Variants in DHRS9 observed in about 807,000 individuals in gnomAD.
DHRS9 encodes dehydrogenase/reductase 9.
In DHRS9, 18 loss-of-function variants were observed where a neutral mutation model predicts 26.6. The observed-to-expected ratio is 0.68, with a 90% CI of 0.47 to 1.00. DHRS9 has a LOEUF of 1.00. DHRS9 is among the 50% of genes least tolerant of loss of function. The probability of loss-of-function intolerance (pLI) is 0.00; values close to 1 mark genes in which losing one functional copy is unlikely to be tolerated. For missense variants in DHRS9, 425 were observed against 378.7 expected, an observed-to-expected ratio of 1.12 and a Z score of -1.01; for synonymous variants, 134 against 141.1, an observed-to-expected ratio of 0.95 and a Z score of 0.36.
At chr2:169,070,287 G>A (rs1683760023) in intron 1 of DHRS9, 2 of 985,344 alleles carry the variant, frequency 2.0e-6, no homozygotes, top group African/African-American at 3.5e-5. Flanking sequence ...TGGATCCAGG[G>A]GTGGCAGCAA....
intron 4 of DHRS9, 25 bp from the exon 5 acceptor site, chr2:169,095,519 T>C: frequency 6.3e-7 from 1 of 1,584,484 alleles, no homozygotes; most frequent in Non-Finnish European, 8.7e-7. Context: ...TACCAAAGAG[T>C]AAATGTACTT....
At chr2:169,076,081 T>C (rs886251912) in intron 1 of DHRS9, among the ~76,000 whole-genome samples, 1 of 152,230 alleles carries the variant, frequency 6.6e-6, no homozygotes, top group Non-Finnish European at 1.5e-5. Context: ...AATGGTGATA[T>C]TCTAATTCCA....
rs746515112 is a variant in DHRS9, at chr2:169,091,786, A to C, written c.573-4A>C. On this transcript the variant is annotated splice_region_variant and splice_polypyrimidine_tract_variant and intron_variant, in intron 3 of 4. Transcript: ENST00000674881. ...TAAACATCTTCAATGGGTTCTTTTC[A>C]CAGACGGGACATGAAAGCTTTTGGT... The C allele has an allele frequency of 6.2e-7, 1 of 1,601,902 alleles. No homozygotes were observed. The highest frequency in any genetic ancestry group is 8.5e-7 in the Non-Finnish European group (1 of 1,172,662).
chr2:169,095,027 A>G (rs1321630003), intron 4 of DHRS9, among the ~76,000 whole-genome samples: 1 of 152,220 alleles, frequency 6.6e-6, no homozygotes, highest in Non-Finnish European at 1.5e-5. Context: ...CCACACATGC[A>G]TGCACATACA....
At chr2:169,094,524 C>A (rs1210872937) in intron 4 of DHRS9, among the ~76,000 whole-genome samples, 1 of 149,078 alleles carries the variant, frequency 6.7e-6, no homozygotes, top group East Asian at 2.0e-4. Flanking sequence ...AGAAGTATTT[C>A]CTTTATGTTT....
At position 169,095,701 on chromosome 2, in the gene DHRS9, AG is replaced by A; in HGVS notation, c.895del (p.Ala299GlnfsTer9). On this transcript the variant is annotated frameshift_variant, in exon 5 of 5. Coordinates refer to ENST00000674881, the MANE Select transcript of DHRS9 (RefSeq NM_001376924.1). LOFTEE classifies it high-confidence loss of function. ...TCTGGATACCTCTGTCTCACATGCC[AG>A]CAGCTTTGCAAGACTTTTTATTGTT... is the stretch of plus-strand genomic sequence containing the variant. ...IFWIPLSHMPAALQDFLLLKQ... is the reference protein window; with the variant it reads ...IFWIPLSHMPXALQDFLLLKQ... The A allele has an allele frequency of 1.9e-6, 3 of 1,614,004 alleles. No individual in the cohort carries two copies. The highest frequency in any genetic ancestry group is 2.5e-6 in the Non-Finnish European group (3 of 1,179,914).
intron 3 of DHRS9, among the ~76,000 whole-genome samples, chr2:169,087,786 A>G (rs1684398828): frequency 6.6e-6 from 1 of 152,166 alleles, no homozygotes; most frequent in Non-Finnish European, 1.5e-5. Context: ...AATGTTGTCC[A>G]GGAGGTAGGG....
chr2:169,078,931 CCTGCCTGAT>C (rs906271291), intron 1 of DHRS9, among the ~76,000 whole-genome samples: 5 of 23,466 alleles, frequency 2.1e-4, no homozygotes, highest in African/African-American at 1.1e-3. Flanking sequence ...TCACGATTCT[CCTGCCTGAT>C]TCTCCTGCCT....
Position 169,070,804 on chromosome 2 carries a change from C to A in DHRS9, c.-60+1087C>A, listed in dbSNP as rs865962798. On this transcript the variant is annotated intron_variant, in intron 1 of 4. Transcript: ENST00000674881. ...ACCTGGCCGGGCGCGGTGGCTCATGCCTGTAATCCCAGCACTTTGGGAGGC... is the reference window on the plus strand; with the variant it reads ...ACCTGGCCGGGCGCGGTGGCTCATGACTGTAATCCCAGCACTTTGGGAGGC... The A allele has an allele frequency of 6.8e-5, 66 of 967,414 alleles. No homozygotes were observed. In the Middle Eastern group the frequency reaches 2.1e-3, roughly 31 times the overall value. The allele number at this position is 967,414 out of a possible 1,614,324, so 59.9% of individuals were successfully genotyped here. A position where few individuals can be genotyped will look rare whatever the true frequency, so the allele number is the denominator to read the frequency against.
At chr2:169,071,023 C>G (rs1480968348) in intron 1 of DHRS9, among the ~76,000 whole-genome samples, 2 of 151,490 alleles carry the variant, frequency 1.3e-5, no homozygotes, top group African/African-American at 4.9e-5. Context: ...GAGATCACGC[C>G]ACTGCACTCC....
upstream of DHRS9, chr2:169,067,240 T>C (rs577077433): frequency 3.3e-6 from 5 of 1,535,532 alleles, no homozygotes; most frequent in Admixed American, 5.9e-5. Context: ...ACTCCAGAAG[T>C]TGGACCCACC....
intron 1 of DHRS9, among the ~76,000 whole-genome samples, chr2:169,073,363 A>C (rs1350884839): frequency 5.3e-5 from 8 of 152,264 alleles, no homozygotes; most frequent in African/African-American, 1.9e-4. Context: ...CGTAAGGTGT[A>C]AATAAGATAA....
At chr2:169,092,459 G>A (rs777845363) in intron 4 of DHRS9, among the ~76,000 whole-genome samples, 1 of 152,196 alleles carries the variant, frequency 6.6e-6, no homozygotes, top group South Asian at 2.1e-4. Context: ...GTAACCAAGC[G>A]AGAATGTAAA....
In DHRS9 at chr2:169,083,318, C is replaced by T. The variant is rs200241158; in HGVS notation, c.314-11C>T. The T allele has an allele frequency of 8.1e-6, 13 of 1,611,632 alleles. No individual in the cohort carries two copies. Among genetic ancestry groups the T allele is most frequent in the Middle Eastern group, 1.7e-4 (1 of 6,008 alleles). On this transcript the variant is annotated splice_polypyrimidine_tract_variant and intron_variant, in intron 2 of 4. Coordinates refer to ENST00000674881, the MANE Select transcript of DHRS9 (RefSeq NM_001376924.1). ...TCTTACCACACCTCTTTTCCTTCCT[C>T]TCTGTTCTAGGTCTCTGGGGTCTGA...
At chr2:169,079,914 G>GGGGAGAGAGAGA (rs1684100762) in intron 1 of DHRS9, among the ~76,000 whole-genome samples, 1 of 44,812 alleles carries the variant, frequency 2.2e-5, no homozygotes, top group Non-Finnish European at 3.8e-5. Flanking sequence ...AGGGAGGGAG[G>GGGGAGAGAGAGA]GAGGGGGAGA....
intron 3 of DHRS9, among the ~76,000 whole-genome samples, chr2:169,087,117 C>T (rs73026876): frequency 0.015 from 2,311 of 152,266 alleles, 67 homozygotes; most frequent in African/African-American, 0.053. Context: ...ATGTGGAAGC[C>T]AGGGGCTGGA....
At chr2:169,073,943 G>A (rs1683886509) in intron 1 of DHRS9, among the ~76,000 whole-genome samples, 1 of 152,124 alleles carries the variant, frequency 6.6e-6, no homozygotes, top group Admixed American at 6.6e-5. Context: ...GCATTATCTG[G>A]AGACATTTTT....
chr2:169,071,751 C>T (rs1373674348), intron 1 of DHRS9, among the ~76,000 whole-genome samples: 1 of 152,146 alleles, frequency 6.6e-6, no homozygotes, highest in Non-Finnish European at 1.5e-5. Context: ...CGATAAATAC[C>T]AACTCAACTA....
chr2:169,071,308 A>C lies in DHRS9; in HGVS notation c.-60+1591A>C, dbSNP rs73970114. Among the ~76,000 whole-genome samples, 474 of 152,350 alleles carry C rather than the reference A, an allele frequency of 3.1e-3. 1 individual carries two copies. Among genetic ancestry groups the C allele is most frequent in the African/African-American group, 0.011 (447 of 41,580 alleles). On this transcript the variant is annotated intron_variant, in intron 1 of 4. Transcript: ENST00000674881. ...AATCATAGCTTTAACAATAATTTGT[A>C]ACCTGCTAATACTGTCAGGAAACAT... is the stretch of plus-strand genomic sequence containing the variant.
Sources: allele counts gnomAD v4.1 joint callset (sites outside exome capture counted in the v4.1 genomes callset), GRCh38; gene constraint gnomAD v4.1.1; transcripts MANE v1.5; gene names NCBI Gene and HGNC (gene_info 2026-07-23, HGNC 2026-07-21).